The following GAB3 variants were observed in gnomAD, a reference collection of about 807,000 sequenced individuals.
GAB3 encodes GRB2-associated-binding protein 3.
In GAB3, 12 loss-of-function variants were observed where a neutral mutation model predicts 40.4. The ratio of observed to expected loss-of-function variants is 0.30; its 90% CI spans 0.19 to 0.48. The LOEUF (loss-of-function observed/expected upper bound fraction) is 0.48. Ranked by LOEUF, GAB3 falls within the 20% of genes least tolerant of loss-of-function variation. The pLI is 0.99. For missense variants in GAB3, 381 were observed against 461.9 expected (o/e 0.82, Z 1.61); for synonymous variants, 154 against 176.7 (o/e 0.87, Z 1.02).
At chrX:154,708,050 A>AGAG (rs1291237854) in intron 4 of GAB3, among the ~76,000 whole-genome samples, 3 of 112,207 alleles carry the variant, frequency 2.7e-5, no homozygotes, top group Non-Finnish European at 3.8e-5. Context: ...AACAGAATAG[A>AGAG]GAGGCCAGAA....
chrX:154,711,072 G>A (rs782806435), intron 4 of GAB3, among the ~76,000 whole-genome samples: 1 of 111,724 alleles, frequency 9.0e-6, no homozygotes, highest in South Asian at 3.7e-4. Context: ...ACATCATTAG[G>A]GACATTAGGG....
At chrX:154,723,772 A>G (rs782279846) in intron 1 of GAB3, among the ~76,000 whole-genome samples, 1 of 111,663 alleles carries the variant, frequency 9.0e-6, no homozygotes, top group South Asian at 3.8e-4. Context: ...CGGAATCACT[A>G]TGCAAACAAG....
chrX:154,702,824 G>A (rs1288519026), intron 4 of GAB3, among the ~76,000 whole-genome samples: 2 of 111,946 alleles, frequency 1.8e-5, no homozygotes, highest in Non-Finnish European at 3.8e-5. Context: ...GGTGCTCAAT[G>A]TTACTGATCA....
At chrX:154,697,649 T>C (rs1415682895) in intron 6 of GAB3, among the ~76,000 whole-genome samples, 3 of 112,104 alleles carry the variant, frequency 2.7e-5, no homozygotes, top group Non-Finnish European at 3.8e-5. Context: ...GTCCACCTGA[T>C]GATCCTTCTG....
At chrX:154,718,705 G>A (rs1438369719) in intron 1 of GAB3, among the ~76,000 whole-genome samples, 1 of 111,321 alleles carries the variant, frequency 9.0e-6, no homozygotes, top group Non-Finnish European at 1.9e-5. Context: ...CTCAGGGGAT[G>A]AGAGAATGCC....
At chrX:154,714,960 C>A (rs782700750) in intron 2 of GAB3, among the ~76,000 whole-genome samples, 1 of 112,358 alleles carries the variant, frequency 8.9e-6, no homozygotes, top group South Asian at 3.7e-4. Flanking sequence ...AACTTGCCAT[C>A]ACTTCATTTC....
At chrX:154,712,921 C>T (rs1256522218) in intron 3 of GAB3, among the ~76,000 whole-genome samples, 2 of 112,195 alleles carry the variant, frequency 1.8e-5, no homozygotes, top group African/African-American at 6.5e-5. Context: ...CATGAAAATG[C>T]AAGGCTAGAA....
intron 8 of GAB3, among the ~76,000 whole-genome samples, chrX:154,690,386 G>A (rs2070537832): frequency 8.9e-6 from 1 of 112,152 alleles, no homozygotes; most frequent in Non-Finnish European, 1.9e-5. Flanking sequence ...AACACCAAAA[G>A]CAATGGCAAC....
At chrX:154,737,575 G>A (rs190625912) in intron 1 of GAB3, among the ~76,000 whole-genome samples, 361 of 111,630 alleles carry the variant, frequency 3.2e-3, no homozygotes, top group African/African-American at 0.011. Context: ...ATTTACCCAC[G>A]GTTACTTCAA....
chrX:154,681,344 T>C (rs1408301736), intron 8 of GAB3, among the ~76,000 whole-genome samples: 1 of 111,543 alleles, frequency 9.0e-6, no homozygotes, highest in Non-Finnish European at 1.9e-5. Context: ...CCCTGATTAT[T>C]AATTAGTATG....
chrX:154,714,346 G>A (rs6643696), intron 2 of GAB3, among the ~76,000 whole-genome samples: 5,004 of 111,783 alleles, frequency 0.045, 291 homozygotes, highest in African/African-American at 0.15. Context: ...AGTGGAGATA[G>A]TAATCACACA....
rs893010871 is a variant in GAB3 at position 154,712,403 on chromosome X, T to C, written c.895A>G (p.Lys299Glu). The C allele has an allele frequency of 2.5e-6, 3 of 1,211,771 alleles. No homozygotes were observed. Among genetic ancestry groups the C allele is most frequent in the Non-Finnish European group, 2.2e-6 (2 of 895,437 alleles). The change falls in exon 4 of 10, where the codon AAA becomes GAA. Residue 299 changes from lysine to glutamate, a missense_variant. Coordinates refer to ENST00000424127, the MANE Select transcript of GAB3 (RefSeq NM_001081573.3). Reference sequence around the variant, plus strand: ...GTGTTGGACATAATGTCTAGTTCTTTTGCTCCACAGGGTAAGGAACCTTGA... The same window carrying C: ...GTGTTGGACATAATGTCTAGTTCTTCTGCTCCACAGGGTAAGGAACCTTGA... The part of the protein sequence containing the change: ...KNQGSLPCGA[K>E]ELDIMSNTPP...
chrX:154,703,605 G>A (rs782773192), intron 4 of GAB3, among the ~76,000 whole-genome samples: 1 of 111,463 alleles, frequency 9.0e-6, no homozygotes, highest in Non-Finnish European at 1.9e-5. Context: ...TATGACACAA[G>A]TTTACCTATT....
rs1172958327 is a variant in GAB3, at chrX:154,678,218, G to A, written c.1724C>T (p.Thr575Ile). The part of the protein sequence containing the change: ...DEQKTQALQS[T>I]KQEWTDERQS... Reference sequence around the variant, plus strand: ...CCTTTCATCCGTCCACTCCTGTTTTGTGCTCTGGAGAGCCTGTGTCTTCTG... The same window carrying A: ...CCTTTCATCCGTCCACTCCTGTTTTATGCTCTGGAGAGCCTGTGTCTTCTG... Residue 575 changes from threonine (T) to isoleucine (I), a missense_variant, in exon 10 of 10, where the codon ACA becomes ATA. Around this residue, in one of 2 missense-constraint regions of GAB3, gnomAD observed 17 missense variants for 40.9 expected, o/e 0.42. Coordinates refer to ENST00000424127, the MANE Select transcript of GAB3 (RefSeq NM_001081573.3). 2 of 1,195,213 alleles carry A rather than the reference G, an allele frequency of 1.7e-6. No homozygotes were observed. Among genetic ancestry groups the A allele is most frequent in the Non-Finnish European group, 2.3e-6 (2 of 883,954 alleles).
intron 1 of GAB3, among the ~76,000 whole-genome samples, chrX:154,747,132 A>G (rs1308546066): frequency 9.0e-6 from 1 of 111,703 alleles, no homozygotes; most frequent in African/African-American, 3.3e-5. Context: ...CAGCCTCCCA[A>G]GTAGCTGGGA....
Position 154,716,212 on chromosome X carries a change from C to T in GAB3, c.190G>A (p.Glu64Lys), listed in dbSNP as rs782055968. The stretch of plus-strand genomic sequence containing the variant: ...CCCACATGCTTCCACACTGCACACT[C>T]GCTGAGGTCTATCACCCGGATGGGC... The part of the protein sequence containing the change: ...SKPIRVIDLS[E>K]CAVWKHVGPS... Residue 64 changes from glutamate to lysine, a missense_variant, in exon 2 of 10, where the codon GAG (glutamate) becomes AAG (lysine). Physicochemically the swap from Glu to Lys is moderately conservative, Grantham distance 56. This residue lies in a region of GAB3 where 364 missense variants were observed against 421.0 expected (regional missense o/e 0.86). Coordinates refer to ENST00000424127, the MANE Select transcript of GAB3 (RefSeq NM_001081573.3). 2.2e-5 allele frequency: 27 copies of T among 1,211,631 alleles called. No individual in the cohort carries two copies. Among genetic ancestry groups the T allele is most frequent in the Admixed American group, 1.1e-4 (5 of 46,056 alleles).
intron 4 of GAB3, among the ~76,000 whole-genome samples, chrX:154,700,718 G>T (rs1037122015): frequency 1.8e-5 from 2 of 110,900 alleles, no homozygotes; most frequent in African/African-American, 6.6e-5. Flanking sequence ...AAACTTGGGG[G>T]TATGGTGCCA....
rs1360541624 is a variant in GAB3, at chrX:154,675,463, C to T, written c.*2715G>A. 1.8e-5 allele frequency: 2 copies of T among 111,288 alleles called. No homozygotes were observed. The highest frequency in any genetic ancestry group is 3.8e-4 in the South Asian group (1 of 2,649). The allele number at this position is 111,288 out of a possible 1,213,427, so 9.2% of individuals were successfully genotyped here. The stretch of plus-strand genomic sequence containing the variant: ...GGACTGTACAGTGGGTAGGTCGCTT[C>T]GTGTCTTTATAGCCAGGCTGTGTGC... On this transcript the variant is annotated 3_prime_UTR_variant, in exon 10 of 10. Transcript: ENST00000424127.
chrX:154,688,902 C>T (rs1036591180), intron 8 of GAB3, among the ~76,000 whole-genome samples: 2 of 111,442 alleles, frequency 1.8e-5, no homozygotes, highest in Admixed American at 9.5e-5. Flanking sequence ...GGAATCCTCC[C>T]TAACTCATTT....
Sources: gnomAD v4.1 joint callset for allele counts (sites outside exome capture counted in the v4.1 genomes callset) on GRCh38, gnomAD v4.1.1 for gene constraint, gnomAD v4.1.1 regional missense constraint, MANE v1.5 for transcripts, NCBI Gene and HGNC (gene_info 2026-07-23, HGNC 2026-07-21) for gene names.